The following CADPS variants were observed in gnomAD, a reference collection of about 807,000 sequenced individuals.
CADPS encodes the protein calcium dependent secretion activator.
In CADPS, 57 loss-of-function variants were observed where a neutral mutation model predicts 167.3. That is an observed-to-expected ratio of 0.34 (90% CI 0.28 to 0.42). The LOEUF is 0.42. Among genes scored for constraint, CADPS ranks in the 20% least tolerant of loss-of-function variants. The pLI, the probability that CADPS is intolerant of heterozygous loss-of-function variation, is 1.00. For synonymous variants in CADPS, 676 were observed against 635.3 expected, an observed-to-expected ratio of 1.06 and a Z score of -0.96; for missense variants, 1,414 against 1,738.1, an observed-to-expected ratio of 0.81 and a Z score of 3.32.
rs534042635 is a variant in CADPS, at chr3:62,846,646, T to A, written c.441+27943A>T. Among the ~76,000 whole-genome samples the A allele has an allele frequency of 5.9e-5, 9 of 152,166 alleles. No individual in the cohort carries two copies. The East Asian group carries it at 1.7e-3, about 30-fold the overall frequency. ...TGACCAAAGATTGGGTCTTTTTTTG[T>A]TTGTTTTTTGGTATTTTTTTGTTTT... is the stretch of plus-strand genomic sequence containing the variant. On this transcript the variant is annotated intron_variant, in intron 1 of 29. Transcript: ENST00000383710.
At chr3:62,595,686 G>C (rs1441796605) in intron 6 of CADPS, among the ~76,000 whole-genome samples, 1 of 152,058 alleles carries the variant, frequency 6.6e-6, no homozygotes, top group East Asian at 1.9e-4. Context: ...CATATTTATA[G>C]CTATGATGGT....
chr3:62,592,862 T>A, intron 6 of CADPS, 114 bp from the exon 7 acceptor site: 1 of 617,666 alleles, frequency 1.6e-6, no homozygotes, highest in Non-Finnish European at 2.8e-6. Context: ...GCATTAGCTG[T>A]CACATCCTCT....
rs997283490 is a variant in CADPS at position 62,867,580 on chromosome 3, A to G, written c.441+7009T>C. Among the ~76,000 whole-genome samples the G allele has an allele frequency of 3.9e-5, 6 of 152,142 alleles. No homozygotes were observed. In the South Asian group the frequency reaches 1.2e-3, roughly 32 times the overall value. On this transcript the variant is annotated intron_variant, in intron 1 of 29. Transcript: ENST00000383710. ...CATCTGGTTTATAGGTAACACTCTA[A>G]TGATAACTACCTGCCTTCTGGTATT... is the stretch of plus-strand genomic sequence containing the variant.
Position 62,874,009 on chromosome 3 carries a change from G to C in CADPS, c.441+580C>G, listed in dbSNP as rs544328117. On this transcript the variant is annotated intron_variant, in intron 1 of 29. Transcript: ENST00000383710. The surrounding 1 kb of genome is among the most constrained non-coding windows in gnomAD (Gnocchi z 7.1). ...GGGCAGGGAGAGGAGGGTGCCCTTC[G>C]CAGAGTCACGGGAAGCTTCGCCTTC... is the stretch of plus-strand genomic sequence containing the variant. Among the ~76,000 whole-genome samples the C allele has an allele frequency of 6.6e-6, 1 of 152,314 alleles. No homozygotes were observed. The highest frequency in any genetic ancestry group is 2.4e-5 in the African/African-American group (1 of 41,580).
chr3:62,858,478 T>G (rs1191921994), intron 1 of CADPS, among the ~76,000 whole-genome samples: 1 of 152,102 alleles, frequency 6.6e-6, no homozygotes, highest in East Asian at 1.9e-4. Context: ...TATAGTGCTG[T>G]GTGTTGATGG....
rs192137790 is a variant in CADPS at position 62,810,180 on chromosome 3, A to G, written c.442-44196T>C. Among the ~76,000 whole-genome samples the G allele has an allele frequency of 4.1e-4, 62 of 152,288 alleles. 1 individual carries two copies. The highest frequency in any genetic ancestry group is 4.1e-3 in the Admixed American group (62 of 15,294). On this transcript the variant is annotated intron_variant, in intron 1 of 29. Coordinates refer to ENST00000383710, the MANE Select transcript of CADPS (RefSeq NM_003716.4). ...CAGCTCTAAACAAGCAATGGAGAGT[A>G]GTCCTCAAAAGCATGGTTTTGGTAC...
At chr3:62,474,984 T>C (rs1330626504) in intron 23 of CADPS, among the ~76,000 whole-genome samples, 3 of 152,222 alleles carry the variant, frequency 2.0e-5, no homozygotes, top group Non-Finnish European at 4.4e-5. Flanking sequence ...ACTTCCACTA[T>C]GTTTTGTTTT....
At chr3:62,630,172 G>A (rs918213995) in intron 6 of CADPS, among the ~76,000 whole-genome samples, 1 of 151,996 alleles carries the variant, frequency 6.6e-6, no homozygotes, top group Admixed American at 6.6e-5. Context: ...ATATTTTTTT[G>A]TAAGCATGTA....
intron 28 of CADPS, chr3:62,404,734 C>T (rs80291332): frequency 2.0e-5 from 3 of 151,224 alleles, no homozygotes; most frequent in African/African-American, 4.9e-5. Flanking sequence ...GTTTTAGGAA[C>T]CTTCTGTCCC....
At chr3:62,611,497 A>C (rs2061494699) in intron 6 of CADPS, among the ~76,000 whole-genome samples, 1 of 152,210 alleles carries the variant, frequency 6.6e-6, no homozygotes, top group Admixed American at 6.5e-5. Context: ...TTAAAATGTA[A>C]GTCAGCTCTC....
At chr3:62,505,048 C>T in intron 17 of CADPS, among the ~76,000 whole-genome samples, 1 of 152,082 alleles carries the variant, frequency 6.6e-6, no homozygotes, top group Non-Finnish European at 1.5e-5. Flanking sequence ...AAATAACTAG[C>T]CTGTAGCAAT....
intron 1 of CADPS, among the ~76,000 whole-genome samples, chr3:62,855,091 A>ATTTTTTATTTTTTTTTTTTT (rs2079405396): frequency 1.1e-5 from 1 of 92,702 alleles, no homozygotes; most frequent in Non-Finnish European, 2.2e-5. Context: ...TGCCCGGCTA[A>ATTTTTTATTTTTTTTTTTTT]TTTTTTTTTT....
intron 17 of CADPS, among the ~76,000 whole-genome samples, chr3:62,507,246 G>A (rs993716510): frequency 4.6e-5 from 7 of 152,096 alleles, no homozygotes; most frequent in African/African-American, 1.7e-4. Flanking sequence ...TAGGGGTCCA[G>A]TCTTTGACCT....
intron 18 of CADPS, among the ~76,000 whole-genome samples, chr3:62,498,768 GA>G (rs1316277985): frequency 6.6e-6 from 1 of 150,700 alleles, no homozygotes; most frequent in Non-Finnish European, 1.5e-5. Flanking sequence ...GATAAATTGA[GA>G]AAGAAGGTCT....
At chr3:62,793,835 A>G (rs1046211467) in intron 1 of CADPS, among the ~76,000 whole-genome samples, 2 of 152,204 alleles carry the variant, frequency 1.3e-5, no homozygotes, top group African/African-American at 4.8e-5. Context: ...CCTCAAAATC[A>G]TTGTTATAAA....
intron 29 of CADPS, among the ~76,000 whole-genome samples, chr3:62,402,444 G>A (rs1253150479): frequency 6.6e-6 from 1 of 152,108 alleles, no homozygotes; most frequent in African/African-American, 2.4e-5. Context: ...ACCCCCTTCT[G>A]TGATCTTATT....
rs139141090 is a variant in CADPS, at chr3:62,511,756, T to C, written c.2599+995A>G. 3.3e-5 allele frequency among the ~76,000 whole-genome samples: 5 copies of C among 152,228 alleles called. No individual in the cohort carries two copies. The East Asian group carries it at 7.7e-4, about 24-fold the overall frequency. On this transcript the variant is annotated intron_variant, in intron 17 of 29. Transcript: ENST00000383710. ...ATAACTCTACCAATAGGCCTTGCAA[T>C]ATAGTGATTTACATATATAGACCCA...
intron 17 of CADPS, among the ~76,000 whole-genome samples, chr3:62,509,638 G>C (rs1384180247): frequency 6.6e-6 from 1 of 152,178 alleles, no homozygotes; most frequent in Non-Finnish European, 1.5e-5. Context: ...GTCAATTGGA[G>C]AGAAGAAAAG....
intron 1 of CADPS, among the ~76,000 whole-genome samples, chr3:62,856,783 A>G (rs2079774358): frequency 1.3e-5 from 2 of 151,970 alleles, no homozygotes; most frequent in Non-Finnish European, 2.9e-5. Context: ...TATGATATTG[A>G]ACTGGCTAGT....
Sources: allele counts gnomAD v4.1 joint callset (sites outside exome capture counted in the v4.1 genomes callset), GRCh38; gene constraint gnomAD v4.1.1; non-coding constraint Gnocchi (gnomAD v3.1); transcripts MANE v1.5; gene names NCBI Gene and HGNC (gene_info 2026-07-23, HGNC 2026-07-21).